Variants in PDE4D observed in about 807,000 individuals in gnomAD.
The protein encoded by PDE4D is 3',5'-cyclic-AMP phosphodiesterase 4D.
A neutral mutation model predicts 87.4 loss-of-function variants in PDE4D; 24 were observed. That is an observed-to-expected ratio of 0.27 (90% CI 0.20 to 0.39). The LOEUF (loss-of-function observed/expected upper bound fraction) is 0.39. Ranked by LOEUF, PDE4D falls within the 10% of genes least tolerant of loss-of-function variation. The probability of loss-of-function intolerance (pLI) is 1.00; values close to 1 mark genes in which losing one functional copy is unlikely to be tolerated. For synonymous variants in PDE4D, 384 were observed against 383.2 expected (o/e 1.00, Z -0.02); for missense variants, 714 against 1,041.0 (o/e 0.69, Z 4.32).
intron 5 of PDE4D, among the ~76,000 whole-genome samples, chr5:59,071,535 C>T: frequency 8.1e-6 from 1 of 123,566 alleles, no homozygotes. Context: ...TTTTCCTATT[C>T]TCTGAGTTGT....
chr5:59,434,878 T>G (rs574516781), intron 1 of PDE4D, among the ~76,000 whole-genome samples: 272 of 152,230 alleles, frequency 1.8e-3, no homozygotes, highest in Middle Eastern at 0.014. Flanking sequence ...CTAACACTGA[T>G]CAGATGCATT....
At chr5:59,015,631 C>T (rs1753801186) in intron 6 of PDE4D, among the ~76,000 whole-genome samples, 1 of 152,072 alleles carries the variant, frequency 6.6e-6, no homozygotes, top group Non-Finnish European at 1.5e-5. Flanking sequence ...ACAACAGGTG[C>T]TGGAGAGGAT....
intron 1 of PDE4D, among the ~76,000 whole-genome samples, chr5:60,389,929 G>T (rs1583604224): frequency 6.6e-6 from 1 of 152,208 alleles, no homozygotes; most frequent in Non-Finnish European, 1.5e-5. Context: ...ATGTTTTAAA[G>T]CTGCCATATC....
chr5:60,495,517 A>G (rs1258597416), intron 1 of PDE4D, among the ~76,000 whole-genome samples: 1 of 152,192 alleles, frequency 6.6e-6, no homozygotes, highest in African/African-American at 2.4e-5. Context: ...CTCCTTAAGA[A>G]TCATTGAGAT....
chr5:59,448,768 T>C lies in PDE4D; in HGVS notation c.456-232800A>G, dbSNP rs570911339. On this transcript the variant is annotated intron_variant, in intron 1 of 14. Transcript: ENST00000340635. ...CCATTTCAGCCTCCTGAGTAGCTGA[T>C]ACTACAGGTGTATGCCACCATGCCC... 4.6e-5 allele frequency among the ~76,000 whole-genome samples: 7 copies of C among 152,250 alleles called. No homozygotes were observed. In the East Asian group the frequency reaches 1.4e-3, roughly 29 times the overall value.
At chr5:59,972,282 G>A (rs1760866282) in intron 3 of PDE4D, among the ~76,000 whole-genome samples, 1 of 152,148 alleles carries the variant, frequency 6.6e-6, no homozygotes, top group African/African-American at 2.4e-5. Context: ...CCCCAAAACA[G>A]AAGAGGATTG....
At chr5:60,214,267 T>C (rs1197195495) in intron 1 of PDE4D, among the ~76,000 whole-genome samples, 1 of 152,226 alleles carries the variant, frequency 6.6e-6, no homozygotes, top group Non-Finnish European at 1.5e-5. Context: ...TGTCCTGAAA[T>C]ACACACAAAC....
chr5:59,096,484 T>A (rs1291495122), intron 5 of PDE4D, among the ~76,000 whole-genome samples: 2 of 152,198 alleles, frequency 1.3e-5, no homozygotes, highest in Admixed American at 1.3e-4. Context: ...AACATCCCCA[T>A]GGTCAGATGG....
intron 1 of PDE4D, among the ~76,000 whole-genome samples, chr5:59,707,860 T>G (rs1304133512): frequency 2.0e-5 from 3 of 152,188 alleles, no homozygotes. Flanking sequence ...AGTCTATCAT[T>G]GATGGGCATT....
intron 3 of PDE4D, among the ~76,000 whole-genome samples, chr5:59,911,983 A>G (rs556866391): frequency 9.4e-4 from 143 of 152,290 alleles, no homozygotes; most frequent in African/African-American, 3.3e-3. Context: ...TTTTGTTATT[A>G]TTATTTAAAT....
chr5:59,415,986 G>C (rs1308529007), intron 1 of PDE4D, among the ~76,000 whole-genome samples: 2 of 152,126 alleles, frequency 1.3e-5, no homozygotes, highest in Non-Finnish European at 2.9e-5. Context: ...AATGGGATAG[G>C]CTATTCCTTT....
intron 1 of PDE4D, chr5:59,356,648 A>T: frequency 1.2e-6 from 1 of 808,912 alleles, no homozygotes; most frequent in Non-Finnish European, 1.8e-6. Flanking sequence ...TATATTGTCA[A>T]TTTAACAAGC....
At chr5:59,736,755 C>T (rs1758127098) in intron 1 of PDE4D, among the ~76,000 whole-genome samples, 1 of 151,918 alleles carries the variant, frequency 6.6e-6, no homozygotes, top group Non-Finnish European at 1.5e-5. Flanking sequence ...ATCAGTTCCA[C>T]AGAGGTTAAA....
At chr5:59,096,253 T>TC (rs1404216572) in intron 5 of PDE4D, among the ~76,000 whole-genome samples, 5 of 152,038 alleles carry the variant, frequency 3.3e-5, no homozygotes, top group African/African-American at 1.2e-4. Context: ...CCCTTAACAG[T>TC]CCCCTTGAGC....
At chr5:59,213,578 G>A (rs753171234) in intron 2 of PDE4D, among the ~76,000 whole-genome samples, 11 of 151,844 alleles carry the variant, frequency 7.2e-5, no homozygotes, top group African/African-American at 1.9e-4. Context: ...AAAAAATTCC[G>A]CTTGAACCTA....
intron 1 of PDE4D, among the ~76,000 whole-genome samples, chr5:59,662,570 C>A (rs990030684): frequency 2.0e-5 from 3 of 152,174 alleles, no homozygotes; most frequent in Non-Finnish European, 4.4e-5. Context: ...ATCATTTGTA[C>A]ACTTAGATTG....
chr5:59,050,452 A>G (rs536786510), intron 5 of PDE4D, among the ~76,000 whole-genome samples: 1 of 152,320 alleles, frequency 6.6e-6, no homozygotes, highest in South Asian at 2.1e-4. Flanking sequence ...GTAAACCTAC[A>G]TTTGTTAACT....
At chr5:60,330,185 T>C (rs556370382) in intron 1 of PDE4D, among the ~76,000 whole-genome samples, 1 of 150,630 alleles carries the variant, frequency 6.6e-6, no homozygotes, top group East Asian at 1.9e-4. Context: ...AGAACTTTTT[T>C]GAAAAAGTAG....
chr5:59,328,354 C>T (rs1776090240), intron 1 of PDE4D, among the ~76,000 whole-genome samples: 1 of 152,154 alleles, frequency 6.6e-6, no homozygotes, highest in African/African-American at 2.4e-5. Context: ...ATATGAAACA[C>T]TGGCACAATG....
Sources: allele counts gnomAD v4.1 joint callset (sites outside exome capture counted in the v4.1 genomes callset), GRCh38; gene constraint gnomAD v4.1.1; transcripts MANE v1.5; gene names NCBI Gene and HGNC (gene_info 2026-07-23, HGNC 2026-07-21).